The following PRKAR1A variants were observed in gnomAD, a reference collection of about 807,000 sequenced individuals.
The protein encoded by PRKAR1A is protein kinase cAMP-dependent type I regulatory subunit alpha, also known as cAMP-dependent protein kinase type I-alpha regulatory subunit.
A neutral mutation model predicts 52.0 loss-of-function variants in PRKAR1A; 3 were observed. The observed-to-expected ratio is 0.06, with a 90% CI of 0.03 to 0.15. The LOEUF is 0.15. PRKAR1A is among the 10% of genes least tolerant of loss of function. The pLI is 1.00. For synonymous variants in PRKAR1A, 188 were observed against 168.4 expected, an observed-to-expected ratio of 1.12 and a Z score of -0.90; for missense variants, 240 against 477.4, an observed-to-expected ratio of 0.50 and a Z score of 4.63.
At chr17:68,430,039 G>T in the PRKAR1A span, 1 of 1,614,192 alleles carries the variant, frequency 6.2e-7, no homozygotes, top group South Asian at 1.1e-5. Flanking sequence ...AAGTTCAAGC[G>T]TGCAGTGGCA....
At chr17:68,477,290 T>C in the PRKAR1A span, among the ~76,000 whole-genome samples, 1 of 152,242 alleles carries the variant, frequency 6.6e-6, no homozygotes, top group African/African-American at 2.4e-5. Context: ...TTTTCTTTTC[T>C]CTGCTGTATC....
At chr17:68,429,879 G>A in the PRKAR1A span, 7 of 1,472,140 alleles carry the variant, frequency 4.8e-6, no homozygotes, top group Admixed American at 3.9e-5. Context: ...GTAAGCCACC[G>A]TGCCCAGCCT....
At chr17:68,541,378 G>A (rs565039629) in intron 11 of PRKAR1A, 10 of 224,578 alleles carry the variant, frequency 4.5e-5, no homozygotes, top group African/African-American at 1.8e-4. Flanking sequence ...ACAATGCTCC[G>A]ATGCCCATTT....
At chr17:68,515,848 C>T (rs553829172) in intron 2 of PRKAR1A, 9 of 443,672 alleles carry the variant, frequency 2.0e-5, no homozygotes, top group Non-Finnish European at 2.5e-5. Flanking sequence ...TAAATTAGTG[C>T]GTAGAACTAT....
intron 7 of PRKAR1A, among the ~76,000 whole-genome samples, chr17:68,527,272 C>CT (rs544701922): frequency 2.7e-4 from 41 of 152,110 alleles, no homozygotes; most frequent in African/African-American, 6.3e-4. Context: ...GGATATGGTC[C>CT]TTTTTTTATA....
the PRKAR1A span, among the ~76,000 whole-genome samples, chr17:68,502,542 G>A: frequency 6.6e-6 from 1 of 152,144 alleles, no homozygotes; most frequent in South Asian, 2.1e-4. Context: ...CCTGTGGTCA[G>A]GAGTTCAAGA....
chr17:68,450,628 G>A, the PRKAR1A span: 1 of 1,434,174 alleles, frequency 7.0e-7, no homozygotes, highest in Non-Finnish European at 9.5e-7. Flanking sequence ...CATTAGAATT[G>A]GAAGCTTGTT....
the PRKAR1A span, chr17:68,457,203 C>G: frequency 6.1e-6 from 6 of 982,864 alleles, no homozygotes; most frequent in African/African-American, 1.0e-4. Context: ...TAACAAGATC[C>G]CAATGCGTCC....
At chr17:68,470,376 G>A in the PRKAR1A span, among the ~76,000 whole-genome samples, 4 of 152,236 alleles carry the variant, frequency 2.6e-5, no homozygotes, top group South Asian at 4.1e-4. Flanking sequence ...CACCGTGCCC[G>A]GCCCATCTTA....
chr17:68,512,070 G>A (rs1349324019), upstream of PRKAR1A: 1 of 153,734 alleles, frequency 6.5e-6, no homozygotes, highest in Non-Finnish European at 1.4e-5. Context: ...GGAAGCGCAC[G>A]ATAGCTGCGC....
chr17:68,496,817 A>ATTT, the PRKAR1A span, among the ~76,000 whole-genome samples: 4 of 75,522 alleles, frequency 5.3e-5, no homozygotes, highest in African/African-American at 1.5e-4. Flanking sequence ...CTTAGTTTTT[A>ATTT]CTTTTTTTTT....
At chr17:68,491,118 G>C in the PRKAR1A span, among the ~76,000 whole-genome samples, 1 of 145,768 alleles carries the variant, frequency 6.9e-6, no homozygotes, top group African/African-American at 2.6e-5. Context: ...TTGAGACAGA[G>C]TCTGGCTCTG....
In PRKAR1A at chr17:68,532,050, C is replaced by A. The variant is rs2085989724; in HGVS notation, c.*1601C>A. The A allele has an allele frequency of 9.4e-7, 1 of 1,064,740 alleles. No homozygotes were observed. Among genetic ancestry groups the A allele is most frequent in the East Asian group, 5.0e-5 (1 of 19,948 alleles). 66.0% of individuals were successfully genotyped at this position (1,064,740 alleles called of 1,614,324 possible). On this transcript the variant is annotated 3_prime_UTR_variant, in exon 11 of 11. Transcript: ENST00000589228. ...ATTTGAAAAACTTTTAGGTTGTTACCAAGTATGAAGTATAAATCTGGGGAA... is the reference window on the plus strand; with the variant it reads ...ATTTGAAAAACTTTTAGGTTGTTACAAAGTATGAAGTATAAATCTGGGGAA...
At chr17:68,449,457 A>G in the PRKAR1A span, among the ~76,000 whole-genome samples, 1 of 152,192 alleles carries the variant, frequency 6.6e-6, no homozygotes, top group Non-Finnish European at 1.5e-5. Flanking sequence ...AAACACTGTA[A>G]TATGATTCAG....
the PRKAR1A span, among the ~76,000 whole-genome samples, chr17:68,464,896 G>A: frequency 8.7e-5 from 13 of 150,116 alleles, no homozygotes; most frequent in African/African-American, 2.9e-4. Flanking sequence ...ATCAAAAACA[G>A]CATTTTAAGA....
chr17:68,532,076 G>T lies in PRKAR1A; in HGVS notation c.*1627G>T, dbSNP rs367654971. ...AAGTATGAAGTATAAATCTGGGGAA[G>T]AGGTTTTATTTACATTTTAGGGTGG... On this transcript the variant is annotated 3_prime_UTR_variant, in exon 11 of 11. Coordinates refer to ENST00000589228, the MANE Select transcript of PRKAR1A (RefSeq NM_002734.5). The T allele has an allele frequency of 1.3e-5, 14 of 1,065,384 alleles. No homozygotes were observed. The East Asian group carries it at 5.0e-4, about 38-fold the overall frequency. The allele number at this position is 1,065,384 out of a possible 1,614,324, so 66.0% of individuals were successfully genotyped here.
the PRKAR1A span, among the ~76,000 whole-genome samples, chr17:68,463,266 A>G: frequency 6.6e-6 from 1 of 152,194 alleles, no homozygotes; most frequent in Non-Finnish European, 1.5e-5. Context: ...TAAAGCCCCA[A>G]AAGAAAGTCT....
downstream of PRKAR1A, among the ~76,000 whole-genome samples, chr17:68,538,365 G>T (rs909968740): frequency 1.2e-4 from 19 of 152,226 alleles, no homozygotes; most frequent in African/African-American, 4.3e-4. Flanking sequence ...CCAGAGGGAA[G>T]CATGTTTAAA....
At position 68,532,527 on chromosome 17, in the gene PRKAR1A, T is replaced by C. The variant is rs951183607; in HGVS notation, c.*2078T>C. 18 of 1,064,808 alleles carry C rather than the reference T, an allele frequency of 1.7e-5. No homozygotes were observed. Among genetic ancestry groups the C allele is most frequent in the Non-Finnish European group, 2.0e-5 (18 of 878,594 alleles). 66.0% of individuals were successfully genotyped at this position (1,064,808 alleles called of 1,614,324 possible). ...GTGTAATCTAAGTATATGTGAGAAA[T>C]CAGAATTGGCATAATTTGTCTTAGT... On this transcript the variant is annotated 3_prime_UTR_variant, in exon 11 of 11. Coordinates refer to ENST00000589228, the MANE Select transcript of PRKAR1A (RefSeq NM_002734.5).
Sources: allele counts gnomAD v4.1 joint callset (sites outside exome capture counted in the v4.1 genomes callset), GRCh38; gene constraint gnomAD v4.1.1; transcripts MANE v1.5; gene names NCBI Gene and HGNC (gene_info 2026-07-23, HGNC 2026-07-21).